The following SEMA3E variants were observed in gnomAD, a reference collection of about 807,000 sequenced individuals.
SEMA3E encodes the protein semaphorin-3E.
In SEMA3E, 49 loss-of-function variants were observed where a neutral mutation model predicts 93.6. The ratio of observed to expected loss-of-function variants is 0.52; its 90% CI spans 0.42 to 0.66. The LOEUF (loss-of-function observed/expected upper bound fraction) is 0.66, where lower values mean the gene tolerates loss of function less well. SEMA3E is among the 30% of genes least tolerant of loss of function. The probability of loss-of-function intolerance (pLI) is 0.00; values close to 1 mark genes in which losing one functional copy is unlikely to be tolerated. For synonymous variants in SEMA3E, 363 were observed against 330.7 expected (o/e 1.10, Z -1.06); for missense variants, 906 against 964.8 (o/e 0.94, Z 0.81).
At chr7:83,480,763 A>G (rs936155262) in intron 2 of SEMA3E, among the ~76,000 whole-genome samples, 37 of 152,160 alleles carry the variant, frequency 2.4e-4, no homozygotes, top group African/African-American at 8.9e-4. Flanking sequence ...TGAAGTTTAA[A>G]TAACTATGCA....
At chr7:83,573,268 TTTTTA>T (rs1286559410) in intron 1 of SEMA3E, among the ~76,000 whole-genome samples, 35 of 151,290 alleles carry the variant, frequency 2.3e-4, no homozygotes, top group African/African-American at 8.2e-4. Context: ...TTTATTGTCA[TTTTTA>T]TTTTATTATT....
At chr7:83,458,976 T>TATAC (rs1562791240) in intron 4 of SEMA3E, among the ~76,000 whole-genome samples, 1 of 144,156 alleles carries the variant, frequency 6.9e-6, no homozygotes, top group Admixed American at 7.2e-5. Flanking sequence ...TGTGTGTGTA[T>TATAC]ATATATATAT....
At chr7:83,399,743 G>C (rs1788200726) in intron 11 of SEMA3E, among the ~76,000 whole-genome samples, 1 of 151,824 alleles carries the variant, frequency 6.6e-6, no homozygotes, top group South Asian at 2.1e-4. Flanking sequence ...TCCTCTCTTT[G>C]TCAGCTTCAA....
chr7:83,445,819 A>G (rs1789216219), intron 4 of SEMA3E, among the ~76,000 whole-genome samples: 2 of 152,178 alleles, frequency 1.3e-5, no homozygotes, highest in African/African-American at 4.8e-5. Flanking sequence ...GTAGCACCAA[A>G]TATTTAAATT....
rs185444937 is a variant in SEMA3E at position 83,601,719 on chromosome 7, A to G, written c.115+46709T>C. Among the ~76,000 whole-genome samples the G allele has an allele frequency of 9.9e-5, 15 of 152,280 alleles. No homozygotes were observed. The East Asian group carries it at 2.5e-3, about 26-fold the overall frequency. ...AGAGAAAATCAAGCTACAGATATAG[A>G]GAGAAAAGCAAAGGTAAGAGACTGA... On this transcript the variant is annotated intron_variant, in intron 1 of 16. Transcript: ENST00000643230.
intron 2 of SEMA3E, among the ~76,000 whole-genome samples, chr7:83,474,807 C>T (rs1487762108): frequency 6.6e-6 from 1 of 152,092 alleles, no homozygotes; most frequent in African/African-American, 2.4e-5. Context: ...TTTACCTGAT[C>T]TATTATTTTG....
At chr7:83,567,061 T>C (rs1034392153) in intron 1 of SEMA3E, among the ~76,000 whole-genome samples, 1 of 152,066 alleles carries the variant, frequency 6.6e-6, no homozygotes, top group Non-Finnish European at 1.5e-5. Flanking sequence ...AGCAAAAGGA[T>C]AGAAACAGAA....
intron 4 of SEMA3E, among the ~76,000 whole-genome samples, chr7:83,439,622 A>G (rs1789071463): frequency 6.6e-6 from 1 of 152,168 alleles, no homozygotes; most frequent in Non-Finnish European, 1.5e-5. Context: ...TATGATTTCA[A>G]CGCCACAGTC....
intron 1 of SEMA3E, among the ~76,000 whole-genome samples, chr7:83,599,159 C>T (rs1438138915): frequency 3.9e-5 from 6 of 152,118 alleles, no homozygotes; most frequent in Admixed American, 3.9e-4. Context: ...GTAGTAAGGA[C>T]ACATTTTATT....
chr7:83,568,683 T>C (rs1261765814), intron 1 of SEMA3E, among the ~76,000 whole-genome samples: 1 of 152,102 alleles, frequency 6.6e-6, no homozygotes, highest in Middle Eastern at 3.2e-3. Context: ...TTCTTTGTGA[T>C]AAATACTCTC....
At chr7:83,520,459 C>T (rs922944007) in intron 1 of SEMA3E, among the ~76,000 whole-genome samples, 3 of 152,022 alleles carry the variant, frequency 2.0e-5, no homozygotes, top group Non-Finnish European at 4.4e-5. Flanking sequence ...TTTCCAACAC[C>T]CTCTGCCTCT....
At chr7:83,586,510 C>A (rs1244780573) in intron 1 of SEMA3E, among the ~76,000 whole-genome samples, 1 of 151,612 alleles carries the variant, frequency 6.6e-6, no homozygotes, top group Non-Finnish European at 1.5e-5. Context: ...CTGGGACTGC[C>A]AAGAGAGTAA....
intron 1 of SEMA3E, among the ~76,000 whole-genome samples, chr7:83,639,126 A>ACAAAC (rs1562866005): frequency 7.1e-6 from 1 of 140,794 alleles, no homozygotes; most frequent in African/African-American, 2.6e-5. Flanking sequence ...AAAAAAAAAA[A>ACAAAC]AAAAAAAAAA....
chr7:83,579,914 T>C (rs1187201570), intron 1 of SEMA3E, among the ~76,000 whole-genome samples: 1 of 152,028 alleles, frequency 6.6e-6, no homozygotes, highest in Non-Finnish European at 1.5e-5. Flanking sequence ...TTTGGAAAAT[T>C]AGCAATGAAT....
At chr7:83,414,023 A>G (rs113603420) in intron 5 of SEMA3E, among the ~76,000 whole-genome samples, 26 of 152,308 alleles carry the variant, frequency 1.7e-4, no homozygotes, top group African/African-American at 6.0e-4. Flanking sequence ...CAGAAGCTAC[A>G]ATAAGCATGT....
intron 1 of SEMA3E, among the ~76,000 whole-genome samples, chr7:83,564,057 G>C (rs1233111121): frequency 6.6e-6 from 1 of 152,068 alleles, no homozygotes; most frequent in Non-Finnish European, 1.5e-5. Flanking sequence ...CCATATAGAA[G>C]CCGATAATGG....
At chr7:83,543,926 T>C (rs1038034305) in intron 1 of SEMA3E, among the ~76,000 whole-genome samples, 2 of 152,098 alleles carry the variant, frequency 1.3e-5, no homozygotes, top group African/African-American at 2.4e-5. Context: ...TAACGTTTAA[T>C]CTTTAGTTAG....
At chr7:83,490,775 G>A (rs941110451) in intron 1 of SEMA3E, among the ~76,000 whole-genome samples, 10 of 151,960 alleles carry the variant, frequency 6.6e-5, no homozygotes, top group Non-Finnish European at 1.0e-4. Context: ...GTTACAGTAG[G>A]GATCACTGAT....
chr7:83,514,165 A>T (rs1677382919), intron 1 of SEMA3E, among the ~76,000 whole-genome samples: 1 of 152,244 alleles, frequency 6.6e-6, no homozygotes, highest in East Asian at 1.9e-4. Context: ...TACCCTATAT[A>T]GTCTAAAAAG....
Sources: gnomAD v4.1 joint callset for allele counts (sites outside exome capture counted in the v4.1 genomes callset) on GRCh38, gnomAD v4.1.1 for gene constraint, MANE v1.5 for transcripts, NCBI Gene and HGNC (gene_info 2026-07-23, HGNC 2026-07-21) for gene names.